The following CHD3 variants were observed in gnomAD, a reference collection of about 807,000 sequenced individuals.
The protein encoded by CHD3 is ATP-dependent chromatin remodeler CHD3.
In CHD3, 52 loss-of-function variants were observed where a neutral mutation model predicts 248.9. The observed-to-expected ratio is 0.21, with a 90% CI of 0.17 to 0.26. The LOEUF is 0.26. CHD3 is among the 10% of genes least tolerant of loss of function. The probability of loss-of-function intolerance (pLI) is 1.00; values close to 1 mark genes in which losing one functional copy is unlikely to be tolerated. For synonymous variants in CHD3, 985 were observed against 985.2 expected (o/e 1.00, Z 0.00); for missense variants, 1,482 against 2,605.8 (o/e 0.57, Z 9.39).
rs1330352516 is a variant in CHD3 at position 7,895,357 on chromosome 17, C to T, written c.1522C>T (p.Arg508Ter). The change falls in exon 10 of 40, where the codon CGA (arginine) becomes TGA (stop). Residue 508 changes from arginine (R) to a stop codon, truncating the protein, a stop_gained. Transcript: ENST00000330494. LOFTEE classifies it high-confidence loss of function. The surrounding 1 kb of genome is among the most constrained non-coding windows in gnomAD (Gnocchi z 4.9). ...PRCTCPVLKG[R>*]VQKILHWRWG... ...CCCAAAGTGCCCCGTGCTGAAGGGTCGAGTGCAGAAGATCCTACATTGGCG... is the reference window on the plus strand; with the variant it reads ...CCCAAAGTGCCCCGTGCTGAAGGGTTGAGTGCAGAAGATCCTACATTGGCG... 1.2e-6 allele frequency: 2 copies of T among 1,614,106 alleles called. No individual in the cohort carries two copies. The highest frequency in any genetic ancestry group is 2.2e-5 in the East Asian group (1 of 44,874).
chr17:7,887,950 G>A (rs1367470044), upstream of CHD3, among the ~76,000 whole-genome samples: 2 of 152,272 alleles, frequency 1.3e-5, no homozygotes, highest in African/African-American at 2.4e-5. Context: ...CTCCCGCTGG[G>A]GTGGGGAGTA....
chr17:7,902,916 G>C, intron 21 of CHD3, 21 bp from the exon 22 acceptor site: 7 of 1,613,562 alleles, frequency 4.3e-6, no homozygotes, highest in Non-Finnish European at 5.9e-6. Flanking sequence ...AGAAAAACCT[G>C]ATCCAACTCT....
Position 7,905,399 on chromosome 17 carries a change from A to G in CHD3, c.4139-222A>G, listed in dbSNP as rs1970808409. The G allele has an allele frequency of 1.6e-6, 1 of 614,412 alleles. No individual in the cohort carries two copies. The highest frequency in any genetic ancestry group is 2.9e-5 in the Admixed American group (1 of 34,256). 38.1% of individuals were successfully genotyped at this position (614,412 alleles called of 1,614,324 possible). On this transcript the variant is annotated intron_variant, in intron 26 of 39. Transcript: ENST00000330494. The surrounding 1 kb of genome is among the most constrained non-coding windows in gnomAD (Gnocchi z 5.8). ...ATATCATTTTCCATTCCCACTGGTA[A>G]TCTGGGCCTTTGTCAGATATCAGCT... is the stretch of plus-strand genomic sequence containing the variant.
rs766840603 is a variant in CHD3, at chr17:7,894,919, G to A, written c.1272G>A (p.Glu424=). The change falls in exon 9 of 40, where the codon GAG becomes GAA. Residue 424 remains glutamate (E), a splice_region_variant and synonymous_variant. Transcript: ENST00000330494. ...TGTGTCTATCCTTGGCCCCCTAGGA[G>A]AAGGAGGGGGTCCAGTGGGAGGCCA... ...PEGKWSCPHC[E]KEGVQWEAKE... is the part of the protein sequence containing the mutation. The A allele has an allele frequency of 2.2e-5, 35 of 1,611,956 alleles. No individual in the cohort carries two copies. The South Asian group carries it at 3.2e-4, about 15-fold the overall frequency.
In CHD3 at chr17:7,889,874, G is replaced by A; in HGVS notation, c.213+98G>A. On this transcript the variant is annotated intron_variant, in intron 2 of 39. Transcript: ENST00000330494. The surrounding 1 kb of genome is among the most constrained non-coding windows in gnomAD (Gnocchi z 4.5). ...GTCCTGATTACTGGTGTGGGGGTGG[G>A]GTTCTGAAGCCAGGGAGGCTTGATC... 3 of 1,228,654 alleles carry A rather than the reference G, an allele frequency of 2.4e-6. No homozygotes were observed. The highest frequency in any genetic ancestry group is 2.3e-6 in the Non-Finnish European group (2 of 867,246). 76.1% of individuals were successfully genotyped at this position (1,228,654 alleles called of 1,614,324 possible). A position where few individuals can be genotyped will look rare whatever the true frequency, so the allele number is the denominator to read the frequency against.
upstream of CHD3, chr17:7,884,969 G>T: frequency 7.5e-7 from 1 of 1,324,852 alleles, no homozygotes. Context: ...ACTCGGGCGC[G>T]GGCCGGGCCA....
At position 7,901,234 on chromosome 17, in the gene CHD3, C is replaced by G. The variant is rs761177207; in HGVS notation, c.3121-10C>G. 6.3e-7 allele frequency: 1 copy of G among 1,589,956 alleles called. No homozygotes were observed. Among genetic ancestry groups the G allele is most frequent in the Non-Finnish European group, 8.6e-7 (1 of 1,166,004 alleles). ...TGACCCCCTCCTCCTCCTCTCTCCT[C>G]CCTTTTCAGGAGTCCCCCAAACTCC... On this transcript the variant is annotated splice_polypyrimidine_tract_variant and intron_variant, in intron 19 of 39. Coordinates refer to ENST00000330494, the MANE Select transcript of CHD3 (RefSeq NM_001005273.3).
intron 4 of CHD3, among the ~76,000 whole-genome samples, chr17:7,892,153 G>A (rs188698521): frequency 6.6e-5 from 10 of 152,292 alleles, no homozygotes; most frequent in Admixed American, 5.9e-4. Context: ...CATTAGTAAC[G>A]TTGTCTCACC....
Position 7,895,126 on chromosome 17 carries a change from T to A in CHD3, c.1479T>A (p.Gly493=). The change falls in exon 9 of 40, where the codon GGT becomes GGA. Residue 493 remains glycine, a synonymous_variant. Coordinates refer to ENST00000330494, the MANE Select transcript of CHD3 (RefSeq NM_001005273.3). This position sits in a 1 kb window ranked among gnomAD's most constrained non-coding sequence, Gnocchi z 4.9. The stretch of plus-strand genomic sequence containing the variant: ...CTCCCCTGCCTGACATTCCCAATGG[T>A]GAATGGCTGTGTCCCCGATGCACAG... ...LNPPLPDIPN[G]EWLCPRCTCP... 1 of 1,614,010 alleles carries A rather than the reference T, an allele frequency of 6.2e-7. No homozygotes were observed. The highest frequency in any genetic ancestry group is 8.5e-7 in the Non-Finnish European group (1 of 1,179,948).
Position 7,900,057 on chromosome 17 carries a change from A to C in CHD3, c.2682+24A>C. 1 of 1,584,210 alleles carries C rather than the reference A, an allele frequency of 6.3e-7. No homozygotes were observed. The highest frequency in any genetic ancestry group is 8.6e-7 in the Non-Finnish European group (1 of 1,162,548). On this transcript the variant is annotated intron_variant, in intron 16 of 39. Transcript: ENST00000330494. This position sits in a 1 kb window ranked among gnomAD's most constrained non-coding sequence, Gnocchi z 6.5. ...AGGTGAGTGAGGTTTCCAGACCTAA[A>C]AAACTTGAAGTTGTGGACTTCCCAC...
In CHD3 at chr17:7,904,393, T is replaced by C. The variant is rs1020756695; in HGVS notation, c.3895-49T>C. ...TAGGGATTTCCTTGCAGTGGAAGGATTAGCAAAGAAGGAGACCCCCAGTGT... is the reference window on the plus strand; with the variant it reads ...TAGGGATTTCCTTGCAGTGGAAGGACTAGCAAAGAAGGAGACCCCCAGTGT... On this transcript the variant is annotated intron_variant, in intron 24 of 39. Coordinates refer to ENST00000330494, the MANE Select transcript of CHD3 (RefSeq NM_001005273.3). The surrounding 1 kb of genome is among the most constrained non-coding windows in gnomAD (Gnocchi z 4.4). 7 of 1,552,404 alleles carry C rather than the reference T, an allele frequency of 4.5e-6. No homozygotes were observed. The highest frequency in any genetic ancestry group is 4.1e-5 in the African/African-American group (3 of 73,434).
upstream of CHD3, among the ~76,000 whole-genome samples, chr17:7,886,457 T>C (rs11651567): frequency 0.042 from 6,396 of 152,244 alleles, 229 homozygotes; most frequent in Admixed American, 0.1. The surrounding 1 kb of genome is among the most constrained non-coding windows in gnomAD (Gnocchi z 4.2). Flanking sequence ...TCCGGGCTCT[T>C]TGTAAAACTG....
rs956065983 is a variant in CHD3, at chr17:7,888,920, A to G, written c.-81A>G. 3.8e-6 allele frequency: 6 copies of G among 1,599,414 alleles called. No homozygotes were observed. In the Admixed American group the frequency reaches 5.1e-5, roughly 14 times the overall value. On this transcript the variant is annotated 5_prime_UTR_variant, in exon 1 of 40. An upstream start codon of the reference 5' UTR is lost. Transcript: ENST00000330494. ...CCTAGTTCCCAAAGGGAGCAGGGAG[A>G]TGGGAATAGAATTGAAGGTAGGTTT... is the stretch of plus-strand genomic sequence containing the variant.
At position 7,900,331 on chromosome 17, in the gene CHD3, G is replaced by A. The variant is rs1484287247; in HGVS notation, c.2724G>A (p.Leu908=). The change falls in exon 17 of 40, where the codon TTG becomes TTA. Residue 908 remains leucine (L), a synonymous_variant. Coordinates refer to ENST00000330494, the MANE Select transcript of CHD3 (RefSeq NM_001005273.3). The surrounding 1 kb of genome is among the most constrained non-coding windows in gnomAD (Gnocchi z 6.5). ...VLNGYKIDHK[L]LLTGTPLQNN... ...ATGGTTACAAGATAGATCATAAGTT[G>A]CTGCTGACAGGAACCCCATTGCAGA... The A allele has an allele frequency of 6.2e-7, 1 of 1,614,150 alleles. No homozygotes were observed. Among genetic ancestry groups the A allele is most frequent in the Admixed American group, 1.7e-5 (1 of 60,018 alleles).
rs1024632604 is a variant in CHD3 at position 7,909,190 on chromosome 17, C to T, written c.5442C>T (p.Ala1814=). The T allele has an allele frequency of 6.5e-6, 10 of 1,549,300 alleles. No homozygotes were observed. The African/African-American group carries it at 1.4e-4, about 21-fold the overall frequency. The part of the protein sequence containing the change: ...LVIEEQLRRA[A]YLNLSQEPAH... ...TTGAGGAGCAGCTGCGGCGGGCGGC[C>T]TACCTGAACCTGTCGCAGGAGCCGG... The change falls in exon 37 of 40, where the codon GCC becomes GCT. Residue 1814 remains alanine (A), a synonymous_variant. Coordinates refer to ENST00000330494, the MANE Select transcript of CHD3 (RefSeq NM_001005273.3). The surrounding 1 kb of genome is among the most constrained non-coding windows in gnomAD (Gnocchi z 8.1).
upstream of CHD3, among the ~76,000 whole-genome samples, chr17:7,885,850 TC>T (rs1165206649): frequency 6.6e-6 from 1 of 152,210 alleles, no homozygotes; most frequent in East Asian, 1.9e-4. Context: ...GCAGACCACT[TC>T]CTGGAATAAG....
chr17:7,893,496 C>G lies in CHD3; in HGVS notation c.720C>G (p.Pro240=). 1.3e-6 allele frequency: 2 copies of G among 1,570,742 alleles called. No homozygotes were observed. The highest frequency in any genetic ancestry group is 1.7e-6 in the Non-Finnish European group (2 of 1,144,200). Residue 240 remains proline, a synonymous_variant, in exon 5 of 40, where the codon CCC becomes CCG. Coordinates refer to ENST00000330494, the MANE Select transcript of CHD3 (RefSeq NM_001005273.3). ...SATPIAPSGP[P]ALPPPPAADI... is the part of the protein sequence containing the mutation. ...CCCCCATAGCACCCTCCGGACCCCCCGCCCTTCCACCACCCCCTGCTGCTG... is the reference window on the plus strand; with the variant it reads ...CCCCCATAGCACCCTCCGGACCCCCGGCCCTTCCACCACCCCCTGCTGCTG...
In CHD3 at chr17:7,899,857, G is replaced by A. The variant is rs766181710; in HGVS notation, c.2545-39G>A. ...GTTCTGGAGGTGTAGGTGCATGGTT[G>A]TCAGGTGGCAGCTGAATGGGCAATA... On this transcript the variant is annotated intron_variant, in intron 15 of 39. Coordinates refer to ENST00000330494, the MANE Select transcript of CHD3 (RefSeq NM_001005273.3). The surrounding 1 kb of genome is among the most constrained non-coding windows in gnomAD (Gnocchi z 6.8). 6.2e-7 allele frequency: 1 copy of A among 1,604,014 alleles called. No individual in the cohort carries two copies. Among genetic ancestry groups the A allele is most frequent in the East Asian group, 2.2e-5 (1 of 44,622 alleles).
Position 7,911,096 on chromosome 17 carries a change from T to C in CHD3, c.5881+123T>C. 7.2e-7 allele frequency: 1 copy of C among 1,380,688 alleles called. No individual in the cohort carries two copies. Among genetic ancestry groups the C allele is most frequent in the Non-Finnish European group, 1.0e-6 (1 of 990,468 alleles). 85.5% of individuals were successfully genotyped at this position (1,380,688 alleles called of 1,614,324 possible). A position where few individuals can be genotyped will look rare whatever the true frequency, so the allele number is the denominator to read the frequency against. On this transcript the variant is annotated intron_variant, in intron 39 of 39. Transcript: ENST00000330494. This position sits in a 1 kb window ranked among gnomAD's most constrained non-coding sequence, Gnocchi z 5.4. Reference sequence around the variant, plus strand: ...TTCCTTGGTGGTATCCGGTGTTTTATGGGATAGAGTTGTTCTAGGCTGTCC... The same window carrying C: ...TTCCTTGGTGGTATCCGGTGTTTTACGGGATAGAGTTGTTCTAGGCTGTCC...
Sources: allele counts gnomAD v4.1 joint callset (sites outside exome capture counted in the v4.1 genomes callset), GRCh38; gene constraint gnomAD v4.1.1; non-coding constraint Gnocchi (gnomAD v3.1); transcripts MANE v1.5; gene names NCBI Gene and HGNC (gene_info 2026-07-23, HGNC 2026-07-21).